MALT1: variants seen among roughly 807,000 people sequenced by gnomAD.
MALT1 encodes MALT1 paracaspase.
A neutral mutation model predicts 85.5 loss-of-function variants in MALT1; 36 were observed. That is an observed-to-expected ratio of 0.42 (90% CI 0.32 to 0.56). The LOEUF (loss-of-function observed/expected upper bound fraction) is 0.56, where lower values mean the gene tolerates loss of function less well. MALT1 is among the 20% of genes least tolerant of loss of function. The probability of loss-of-function intolerance (pLI) is 0.10; values close to 1 mark genes in which losing one functional copy is unlikely to be tolerated. For synonymous variants in MALT1, 359 were observed against 361.3 expected (o/e 0.99, Z 0.07); for missense variants, 716 against 981.6 (o/e 0.73, Z 3.62).
At chr18:58,722,799 A>C (rs369603865) in intron 9 of MALT1, among the ~76,000 whole-genome samples, 1 of 152,342 alleles carries the variant, frequency 6.6e-6, no homozygotes, top group Middle Eastern at 3.4e-3. Flanking sequence ...CAGCTAATAA[A>C]TATCCTTTGC....
intron 4 of MALT1, among the ~76,000 whole-genome samples, chr18:58,700,850 C>CA (rs2054661833): frequency 6.6e-6 from 1 of 151,754 alleles, no homozygotes; most frequent in South Asian, 2.1e-4. Context: ...GCAGTGGTGC[C>CA]ATCTGATCTC....
chr18:58,678,703 G>A (rs1218769420), intron 1 of MALT1, among the ~76,000 whole-genome samples: 1 of 152,068 alleles, frequency 6.6e-6, no homozygotes, highest in African/African-American at 2.4e-5. Context: ...TGTATTTTAC[G>A]AATTGTAAAA....
At chr18:58,711,732 A>G (rs187124942) in intron 7 of MALT1, among the ~76,000 whole-genome samples, 42 of 152,314 alleles carry the variant, frequency 2.8e-4, no homozygotes, top group Admixed American at 2.5e-3. Flanking sequence ...CTACTTGGGT[A>G]AAGTAAGGAA....
At chr18:58,743,015 T>C (rs183165861) in intron 14 of MALT1, among the ~76,000 whole-genome samples, 16 of 147,690 alleles carry the variant, frequency 1.1e-4, no homozygotes, top group African/African-American at 3.2e-4. Context: ...GAGTCTCTTA[T>C]AGATAATTGA....
chr18:58,717,909 AT>A (rs2054927087), intron 9 of MALT1, among the ~76,000 whole-genome samples: 1 of 152,212 alleles, frequency 6.6e-6, no homozygotes, highest in Non-Finnish European at 1.5e-5. Context: ...TAGCCATCAT[AT>A]TCTGTAGAGA....
At chr18:58,701,866 C>T (rs986640314) in intron 4 of MALT1, among the ~76,000 whole-genome samples, 2 of 152,136 alleles carry the variant, frequency 1.3e-5, no homozygotes, top group Admixed American at 6.5e-5. Flanking sequence ...AATAATCTTT[C>T]GTAAAAACAA....
At chr18:58,729,213 G>A (rs1043570383) in intron 10 of MALT1, among the ~76,000 whole-genome samples, 10 of 152,170 alleles carry the variant, frequency 6.6e-5, no homozygotes, top group African/African-American at 2.4e-4. Context: ...CCTGGGCCGG[G>A]CACGGTGGCT....
At chr18:58,730,328 C>G (rs985068867) in intron 10 of MALT1, among the ~76,000 whole-genome samples, 1 of 152,172 alleles carries the variant, frequency 6.6e-6, no homozygotes, top group Admixed American at 6.5e-5. Context: ...CTTACCCCAG[C>G]CCCTGGCAAC....
chr18:58,719,289 A>T (rs2054947739), intron 9 of MALT1, among the ~76,000 whole-genome samples: 1 of 145,494 alleles, frequency 6.9e-6, no homozygotes, highest in Non-Finnish European at 1.5e-5. Flanking sequence ...TTGGTGAAAG[A>T]CTGTGAAGAC....
chr18:58,726,930 ATAGC>A (rs2055063361), intron 10 of MALT1, among the ~76,000 whole-genome samples: 1 of 152,258 alleles, frequency 6.6e-6, no homozygotes, highest in Non-Finnish European at 1.5e-5. Flanking sequence ...GGGCCTTAGC[ATAGC>A]TAGCCTGGGT....
chr18:58,698,192 G>T (rs2054622200), intron 3 of MALT1, among the ~76,000 whole-genome samples: 1 of 151,106 alleles, frequency 6.6e-6, no homozygotes, highest in East Asian at 2.0e-4. Context: ...TCAGCCTTCT[G>T]AGTAGCTGGG....
At chr18:58,699,145 T>C (rs921467527) in intron 3 of MALT1, among the ~76,000 whole-genome samples, 1 of 152,202 alleles carries the variant, frequency 6.6e-6, no homozygotes, top group Non-Finnish European at 1.5e-5. Flanking sequence ...CAAGTAGCCT[T>C]TGTTAAGAGG....
chr18:58,693,284 C>T (rs1030788234), intron 2 of MALT1, among the ~76,000 whole-genome samples: 3 of 152,110 alleles, frequency 2.0e-5, no homozygotes, highest in South Asian at 2.1e-4. Context: ...TAGCCAGGCA[C>T]AGTGGCACCT....
At chr18:58,720,939 A>C (rs1376614202) in intron 9 of MALT1, among the ~76,000 whole-genome samples, 1 of 152,214 alleles carries the variant, frequency 6.6e-6, no homozygotes, top group South Asian at 2.1e-4. Context: ...CCTTAGAAGA[A>C]GACTGATTTG....
chr18:58,723,321 A>G (rs4940744), intron 10 of MALT1, 70 bp downstream of exon 10: 1,179,861 of 1,190,714 alleles, frequency 0.99, 585,125 homozygotes, highest in East Asian at 1. Context: ...TAGGTTAAGA[A>G]TTGAAAATCA....
chr18:58,713,948 T>G, intron 7 of MALT1, 135 bp from the exon 8 acceptor site: 1 of 526,218 alleles, frequency 1.9e-6, no homozygotes, highest in Non-Finnish European at 3.5e-6. Context: ...GGCTTCTTCA[T>G]TTAATTTGAA....
rs138373724 is a variant in MALT1, at chr18:58,744,414, T to C, written c.1830T>C (p.Asn610=). Residue 610 remains asparagine (N), a synonymous_variant, in exon 15 of 17, where the codon AAT becomes AAC. Transcript: ENST00000649217. ...TAGGATTTGCAGCTGAGTTTTCCAA[T>C]GTCATGATCATCTATACAAGTATAG... is the stretch of plus-strand genomic sequence containing the variant. ...IQLGFAAEFS[N]VMIIYTSIVY... The C allele has an allele frequency of 3.7e-6, 6 of 1,609,886 alleles. No individual in the cohort carries two copies. In the African/African-American group the frequency reaches 8.0e-5, roughly 22 times the overall value.
chr18:58,700,632 C>A, intron 4 of MALT1, 41 bp downstream of exon 4: 1 of 1,513,968 alleles, frequency 6.6e-7, no homozygotes, highest in South Asian at 1.3e-5. Flanking sequence ...TGGGGATTCC[C>A]CATATTTTAT....
At chr18:58,693,491 G>A (rs755910334) in intron 2 of MALT1, among the ~76,000 whole-genome samples, 3 of 152,200 alleles carry the variant, frequency 2.0e-5, no homozygotes, top group Non-Finnish European at 4.4e-5. Flanking sequence ...AGATTTTTCA[G>A]TGTAGATGAA....
Sources: allele counts gnomAD v4.1 joint callset (sites outside exome capture counted in the v4.1 genomes callset), GRCh38; gene constraint gnomAD v4.1.1; transcripts MANE v1.5; gene names NCBI Gene and HGNC (gene_info 2026-07-23, HGNC 2026-07-21).